The following FERMT2 variants were observed in gnomAD, a reference collection of about 807,000 sequenced individuals.
FERMT2 encodes the protein fermitin family homolog 2.
A neutral mutation model predicts 82.7 loss-of-function variants in FERMT2; 15 were observed. The ratio of observed to expected loss-of-function variants is 0.18; its 90% CI spans 0.12 to 0.28. FERMT2 has a LOEUF of 0.28. Among genes scored for constraint, FERMT2 ranks in the 10% least tolerant of loss-of-function variants. The pLI is 1.00. For missense variants in FERMT2, 645 were observed against 809.4 expected, an observed-to-expected ratio of 0.80 and a Z score of 2.46; for synonymous variants, 274 against 271.5, an observed-to-expected ratio of 1.01 and a Z score of -0.09.
chr14:52,923,467 T>A lies in FERMT2; in HGVS notation c.158-4111A>T, dbSNP rs186191533. On this transcript the variant is annotated intron_variant, in intron 2 of 14. Transcript: ENST00000341590. ...GCCCCTGTTGTAAGCAGTGTTATCT[T>A]GCACTTAGATAATGGTACAATAAAA... is the stretch of plus-strand genomic sequence containing the variant. Among the ~76,000 whole-genome samples, 3 of 152,208 alleles carry A rather than the reference T, an allele frequency of 2.0e-5. No homozygotes were observed. In the East Asian group the frequency reaches 5.8e-4, roughly 29 times the overall value.
At chr14:52,907,378 G>T (rs1888074211) in intron 3 of FERMT2, among the ~76,000 whole-genome samples, 1 of 152,086 alleles carries the variant, frequency 6.6e-6, no homozygotes, top group Non-Finnish European at 1.5e-5. Flanking sequence ...ACTATAAGAA[G>T]AGAGGCATAT....
chr14:52,920,436 G>A (rs542364755), intron 2 of FERMT2, among the ~76,000 whole-genome samples: 4 of 151,962 alleles, frequency 2.6e-5, no homozygotes, highest in Non-Finnish European at 5.9e-5. Flanking sequence ...TTCGAGACCA[G>A]GCAAGGCAAC....
At position 52,893,850 on chromosome 14, in the gene FERMT2, C is replaced by T. The variant is rs180883390; in HGVS notation, c.392-423G>A. 4.1e-3 allele frequency among the ~76,000 whole-genome samples: 593 copies of T among 145,978 alleles called. 3 individuals carry two copies. The highest frequency in any genetic ancestry group is 7.2e-3 in the Middle Eastern group (2 of 278). ...CAGTTTTGTTTTTTTTTTTTTGAGACGGAGTTTCACTCTTGTTACCCAGGC... is the reference window on the plus strand; with the variant it reads ...CAGTTTTGTTTTTTTTTTTTTGAGATGGAGTTTCACTCTTGTTACCCAGGC... On this transcript the variant is annotated intron_variant, in intron 3 of 14. Coordinates refer to ENST00000341590, the MANE Select transcript of FERMT2 (RefSeq NM_006832.3).
intron 2 of FERMT2, among the ~76,000 whole-genome samples, chr14:52,947,227 C>G (rs190518173): frequency 3.0e-4 from 45 of 152,286 alleles, no homozygotes; most frequent in African/African-American, 1.1e-3. Context: ...CGTCTGCAAT[C>G]TCAACACTTT....
At chr14:52,935,217 G>C (rs1230479030) in intron 2 of FERMT2, among the ~76,000 whole-genome samples, 1 of 152,170 alleles carries the variant, frequency 6.6e-6, no homozygotes, top group East Asian at 1.9e-4. Context: ...TCTGCTAGCA[G>C]AAGCTGTAAA....
intron 4 of FERMT2, among the ~76,000 whole-genome samples, chr14:52,892,420 G>C (rs1397444349): frequency 2.0e-5 from 3 of 150,306 alleles, no homozygotes; most frequent in African/African-American, 7.3e-5. Context: ...GGGATTACAG[G>C]TGTGAGCCAC....
rs1245426757 is a variant in FERMT2, at chr14:52,860,757, T to G, written c.1603-292A>C. ...ATGCATACACCTAACGGTACTACTA[T>G]TACAGAACAGCACATTCTAATCCAC... On this transcript the variant is annotated intron_variant, in intron 12 of 14. Coordinates refer to ENST00000341590, the MANE Select transcript of FERMT2 (RefSeq NM_006832.3). The G allele has an allele frequency of 1.9e-5, 11 of 569,816 alleles. No individual in the cohort carries two copies. In the Admixed American group the frequency reaches 3.2e-4, roughly 17 times the overall value. The allele number at this position is 569,816 out of a possible 1,614,324, so 35.3% of individuals were successfully genotyped here.
At chr14:52,878,545 A>C in intron 7 of FERMT2, 37 bp downstream of exon 7, 2 of 1,255,530 alleles carry the variant, frequency 1.6e-6, no homozygotes, top group Non-Finnish European at 2.3e-6. Flanking sequence ...CCTACCCTTT[A>C]CCGGAATAAG....
intron 2 of FERMT2, among the ~76,000 whole-genome samples, chr14:52,922,566 GAGT>G (rs1889025404): frequency 6.6e-6 from 1 of 152,230 alleles, no homozygotes; most frequent in African/African-American, 2.4e-5. Context: ...TGTGGCCCAG[GAGT>G]AGGTGCTAAA....
intron 2 of FERMT2, among the ~76,000 whole-genome samples, chr14:52,934,953 T>C (rs926989810): frequency 6.6e-6 from 1 of 152,254 alleles, no homozygotes; most frequent in Admixed American, 6.5e-5. Flanking sequence ...TGACATGACT[T>C]GTCACTGACT....
At chr14:52,904,918 G>A (rs1185148628) in intron 3 of FERMT2, among the ~76,000 whole-genome samples, 3 of 152,078 alleles carry the variant, frequency 2.0e-5, no homozygotes, top group Non-Finnish European at 4.4e-5. Context: ...GCCAGGTGAG[G>A]TGGCTCATGC....
Position 52,893,322 on chromosome 14 carries a change from A to G in FERMT2, c.497T>C (p.Leu166Ser). ...TCCAGGAGTGATAAGAGGCCCCTCT[A>G]ATTCAAGTGCCTCATCTTCAGACTG... Reference protein sequence around the residue: ...DDQSEDEALELEGPLITPGSG... With the variant: ...DDQSEDEALESEGPLITPGSG... Residue 166 changes from leucine (L) to serine (S), a missense_variant, in exon 4 of 15, where the codon TTA (leucine) becomes TCA (serine). Coordinates refer to ENST00000341590, the MANE Select transcript of FERMT2 (RefSeq NM_006832.3). 1 of 1,610,728 alleles carries G rather than the reference A, an allele frequency of 6.2e-7. No individual in the cohort carries two copies. The highest frequency in any genetic ancestry group is 8.5e-7 in the Non-Finnish European group (1 of 1,179,138).
intron 2 of FERMT2, among the ~76,000 whole-genome samples, chr14:52,919,951 C>T (rs1316217959): frequency 6.6e-6 from 1 of 152,176 alleles, no homozygotes; most frequent in Non-Finnish European, 1.5e-5. Flanking sequence ...CACATGTGCT[C>T]TCCCAAATAG....
At chr14:52,922,634 A>G (rs920354940) in intron 2 of FERMT2, among the ~76,000 whole-genome samples, 5 of 152,236 alleles carry the variant, frequency 3.3e-5, no homozygotes, top group African/African-American at 7.2e-5. Flanking sequence ...CAAAATTTAC[A>G]TATGGACACT....
intron 8 of FERMT2, among the ~76,000 whole-genome samples, chr14:52,874,802 T>C (rs2140098630): frequency 6.6e-6 from 1 of 152,294 alleles, no homozygotes; most frequent in South Asian, 2.1e-4. Flanking sequence ...ATTATTACTT[T>C]AAAAACAAAC....
chr14:52,933,846 C>T (rs890419758), intron 2 of FERMT2, among the ~76,000 whole-genome samples: 17 of 151,130 alleles, frequency 1.1e-4, no homozygotes, highest in African/African-American at 4.1e-4. Context: ...TCTAGTAGCT[C>T]TTACCACACC....
chr14:52,921,998 CTA>C (rs1478935829), intron 2 of FERMT2, among the ~76,000 whole-genome samples: 1 of 152,100 alleles, frequency 6.6e-6, no homozygotes, highest in Non-Finnish European at 1.5e-5. Flanking sequence ...TGTAAGAGCA[CTA>C]TGAGTCCACC....
At chr14:52,897,069 T>C (rs1331121035) in intron 3 of FERMT2, among the ~76,000 whole-genome samples, 2 of 146,856 alleles carry the variant, frequency 1.4e-5, no homozygotes, top group South Asian at 2.2e-4. Context: ...AATTTGGAAG[T>C]TACCTCCCTC....
At chr14:52,889,925 T>G (rs575202717) in intron 4 of FERMT2, among the ~76,000 whole-genome samples, 17 of 151,798 alleles carry the variant, frequency 1.1e-4, no homozygotes, top group Admixed American at 2.0e-4. Flanking sequence ...GACCAGGAGT[T>G]CAAGACCAGT....
Sources: allele counts gnomAD v4.1 joint callset (sites outside exome capture counted in the v4.1 genomes callset), GRCh38; gene constraint gnomAD v4.1.1; transcripts MANE v1.5; gene names NCBI Gene and HGNC (gene_info 2026-07-23, HGNC 2026-07-21).